ARPC1B: variants seen among roughly 807,000 people sequenced by gnomAD.
The protein encoded by ARPC1B is actin-related protein 2/3 complex subunit 1B.
In ARPC1B, 29 loss-of-function variants were observed where a neutral mutation model predicts 46.0. That is an observed-to-expected ratio of 0.63 (90% CI 0.47 to 0.86). The LOEUF (loss-of-function observed/expected upper bound fraction) is 0.86. Among genes scored for constraint, ARPC1B ranks in the 40% least tolerant of loss-of-function variants. The pLI, the probability that ARPC1B is intolerant of heterozygous loss-of-function variation, is 0.00. For synonymous variants in ARPC1B, 201 were observed against 213.9 expected (o/e 0.94, Z 0.53); for missense variants, 469 against 529.4 (o/e 0.89, Z 1.12).
rs1217722578 is a variant in ARPC1B, at chr7:99,390,984, T to C, written c.592T>C (p.Ser198Pro). The change falls in exon 6 of 10, where the codon TCC becomes CCC. Residue 198 changes from serine to proline, a missense_variant. By Grantham distance (74) the Ser-to-Pro change is moderately conservative. Transcript: ENST00000646101. ...GCCCTTTGGGGAACTGATGTTCGAA[T>C]CCAGCAGTAGCTGCGGCTGGGTACA... is the stretch of plus-strand genomic sequence containing the variant. ...KMPFGELMFE[S>P]SSSCGWVHGV... 1 of 1,614,012 alleles carries C rather than the reference T, an allele frequency of 6.2e-7. No homozygotes were observed. The highest frequency in any genetic ancestry group is 1.7e-5 in the Admixed American group (1 of 60,030).
intron 2 of ARPC1B, 198 bp from the exon 3 acceptor site, chr7:99,386,487 G>A: frequency 1.5e-6 from 1 of 672,864 alleles, no homozygotes; most frequent in Non-Finnish European, 2.7e-6. Context: ...ATTGCTGCGA[G>A]TAAAGGACAG....
At chr7:99,378,323 T>C (rs1794091791) in intron 1 of ARPC1B, among the ~76,000 whole-genome samples, 1 of 151,754 alleles carries the variant, frequency 6.6e-6, no homozygotes, top group Non-Finnish European at 1.5e-5. Flanking sequence ...TCCACCTGGC[T>C]TGGCCTCCCA....
Position 99,392,777 on chromosome 7 carries a change from C to T in ARPC1B, c.890C>T (p.Thr297Met). The change falls in exon 8 of 10, where the codon ACG becomes ATG. Residue 297 changes from threonine to methionine, a missense_variant. Coordinates refer to ENST00000646101, the MANE Select transcript of ARPC1B (RefSeq NM_005720.4). ...VPKQSSQRGL[T>M]ARERFQNLDK... ...AAGCAGAGCTCGCAGCGTGGCTTGA[C>T]GGCCCGCGAGCGCTTCCAGAACCTG... 6.5e-7 allele frequency: 1 copy of T among 1,549,758 alleles called. No homozygotes were observed. The highest frequency in any genetic ancestry group is 8.7e-7 in the Non-Finnish European group (1 of 1,146,668).
chr7:99,394,314 A>C, intron 9 of ARPC1B, 137 bp from the exon 10 acceptor site: 1 of 1,081,498 alleles, frequency 9.2e-7, no homozygotes, highest in Admixed American at 1.8e-5. Context: ...CCGGGATTCC[A>C]ACCCAGCTGA....
chr7:99,382,375 C>T (rs917168802), intron 1 of ARPC1B, among the ~76,000 whole-genome samples: 1 of 142,636 alleles, frequency 7.0e-6, no homozygotes, highest in Admixed American at 7.3e-5. Flanking sequence ...GCACTCCAGG[C>T]TGGGCAACAG....
At chr7:99,381,475 G>A (rs1407888808) in intron 1 of ARPC1B, among the ~76,000 whole-genome samples, 2 of 152,168 alleles carry the variant, frequency 1.3e-5, no homozygotes, top group Admixed American at 6.5e-5. Flanking sequence ...GAACACGCAT[G>A]TGTTTGTGTG....
At chr7:99,386,986 G>A (rs571002645) in intron 3 of ARPC1B, among the ~76,000 whole-genome samples, 197 bp downstream of exon 3, 5 of 152,330 alleles carry the variant, frequency 3.3e-5, no homozygotes, top group Non-Finnish European at 7.3e-5. Flanking sequence ...CTTCAGGAGA[G>A]GCTTGATCCA....
intron 8 of ARPC1B, among the ~76,000 whole-genome samples, chr7:99,393,419 C>T (rs1794645611): frequency 6.6e-6 from 1 of 152,080 alleles, no homozygotes; most frequent in Non-Finnish European, 1.5e-5. Context: ...TCTGGGGTGG[C>T]CAGGCAGTGA....
chr7:99,389,515 C>T (rs1794502172), intron 4 of ARPC1B: 2 of 178,114 alleles, frequency 1.1e-5, no homozygotes, highest in South Asian at 2.2e-4. Flanking sequence ...GCCATGATTG[C>T]CAGTCCACGT....
chr7:99,374,515 A>C (rs1309529620), upstream of ARPC1B: 1 of 152,182 alleles, frequency 6.6e-6, no homozygotes, highest in Non-Finnish European at 1.5e-5. The surrounding 1 kb of genome is among the most constrained non-coding windows in gnomAD (Gnocchi z 5.0). Flanking sequence ...CCCATTGGTA[A>C]AGCATTGACG....
At position 99,393,544 on chromosome 7, in the gene ARPC1B, G is replaced by A. The variant is rs73397420; in HGVS notation, c.990-485G>A. Among the ~76,000 whole-genome samples, 1,115 of 152,158 alleles carry A rather than the reference G, an allele frequency of 7.3e-3. 17 individuals carry two copies. The highest frequency in any genetic ancestry group is 0.026 in the African/African-American group (1,064 of 41,472). On this transcript the variant is annotated intron_variant, in intron 8 of 9. Coordinates refer to ENST00000646101, the MANE Select transcript of ARPC1B (RefSeq NM_005720.4). ...GCCTTCTATGGATCTAGGGTGGGAT[G>A]GGGAAGAGGCTCTTCAAAGCCCAAA... is the stretch of plus-strand genomic sequence containing the variant.
intron 1 of ARPC1B, among the ~76,000 whole-genome samples, chr7:99,382,778 T>G (rs984559950): frequency 1.3e-5 from 2 of 151,604 alleles, no homozygotes; most frequent in Admixed American, 6.6e-5. Flanking sequence ...CTGGCCCTAT[T>G]TAATAAAATT....
intron 1 of ARPC1B, among the ~76,000 whole-genome samples, chr7:99,376,773 G>A (rs1794040007): frequency 6.6e-6 from 1 of 151,928 alleles, no homozygotes; most frequent in Admixed American, 6.6e-5. Flanking sequence ...AGGAGGCTGA[G>A]GCAGGAGAAT....
chr7:99,376,181 C>T (rs964944223), intron 1 of ARPC1B, among the ~76,000 whole-genome samples: 3 of 152,096 alleles, frequency 2.0e-5, no homozygotes, highest in Non-Finnish European at 2.9e-5. Flanking sequence ...TGCACTGCAG[C>T]CTTGGCAACA....
chr7:99,391,360 C>G (rs1395893369), intron 7 of ARPC1B, 107 bp downstream of exon 7: 13 of 1,197,022 alleles, frequency 1.1e-5, no homozygotes, highest in Non-Finnish European at 1.5e-5. Context: ...TCCTTTTTTT[C>G]TTCCTTGCAT....
chr7:99,392,810 A>C lies in ARPC1B; in HGVS notation c.923A>C (p.Lys308Thr). ...GAGCGCTTCCAGAACCTGGACAAGAAGGCGAGCTCCGAGGGTGGCACGGCT... is the reference window on the plus strand; with the variant it reads ...GAGCGCTTCCAGAACCTGGACAAGACGGCGAGCTCCGAGGGTGGCACGGCT... Reference protein sequence around the residue: ...ARERFQNLDKKASSEGGTAAG... With the variant: ...ARERFQNLDKTASSEGGTAAG... Residue 308 changes from lysine (K) to threonine (T), a missense_variant, in exon 8 of 10, where the codon AAG (lysine) becomes ACG (threonine). Lys to Thr is a moderately conservative substitution (Grantham distance 78). Transcript: ENST00000646101. 1.9e-6 allele frequency: 3 copies of C among 1,550,190 alleles called. No individual in the cohort carries two copies. The highest frequency in any genetic ancestry group is 1.7e-6 in the Non-Finnish European group (2 of 1,146,784).
At chr7:99,382,198 G>T (rs983764214) in intron 1 of ARPC1B, among the ~76,000 whole-genome samples, 1 of 152,106 alleles carries the variant, frequency 6.6e-6, no homozygotes, top group Admixed American at 6.6e-5. Flanking sequence ...AGCACTTTAG[G>T]AGGCCGAGGC....
intron 5 of ARPC1B, among the ~76,000 whole-genome samples, chr7:99,390,683 T>C (rs1481141382): frequency 6.6e-6 from 1 of 151,966 alleles, no homozygotes; most frequent in East Asian, 1.9e-4. Flanking sequence ...CCCAGGCACC[T>C]GTTAACCCTT....
chr7:99,390,081 C>G, intron 5 of ARPC1B, 69 bp downstream of exon 5: 13 of 1,413,928 alleles, frequency 9.2e-6, no homozygotes, highest in Non-Finnish European at 1.2e-5. Context: ...AGCGGGGAGC[C>G]GCACCTGAAA....
Sources: gnomAD v4.1 joint callset for allele counts (sites outside exome capture counted in the v4.1 genomes callset) on GRCh38, gnomAD v4.1.1 for gene constraint, Gnocchi (gnomAD v3.1) non-coding constraint, MANE v1.5 for transcripts, NCBI Gene and HGNC (gene_info 2026-07-23, HGNC 2026-07-21) for gene names.